ALG13: variants seen among roughly 807,000 people sequenced by gnomAD.
The protein encoded by ALG13 is ALG13 UDP-N-acetylglucosaminyltransferase subunit, also known as UDP-N-acetylglucosamine transferase subunit ALG13.
In ALG13, 11 loss-of-function variants were observed where a neutral mutation model predicts 87.8. The observed-to-expected ratio is 0.13, with a 90% confidence interval of 0.08 to 0.21. The LOEUF (loss-of-function observed/expected upper bound fraction) is 0.21. Ranked by LOEUF, ALG13 falls within the 10% of genes least tolerant of loss-of-function variation. The pLI is 1.00. For missense variants in ALG13, 756 were observed against 866.1 expected (o/e 0.87, Z 1.60); for synonymous variants, 320 against 306.3 (o/e 1.04, Z -0.47).
intron 3 of ALG13, among the ~76,000 whole-genome samples, chrX:111,700,619 C>T (rs1374086966): frequency 9.4e-6 from 1 of 106,949 alleles, no homozygotes; most frequent in Admixed American, 1.0e-4. Flanking sequence ...CCCTGTCATC[C>T]AGGCTGGAGT....
At chrX:111,703,623 T>A (rs190291033) in intron 3 of ALG13, among the ~76,000 whole-genome samples, 3 of 112,364 alleles carry the variant, frequency 2.7e-5, no homozygotes, top group African/African-American at 9.7e-5. Flanking sequence ...GCATACAGTG[T>A]GTAGCCTTTT....
At position 111,682,024 on chromosome X, in the gene ALG13, G is replaced by A; in HGVS notation, c.82-108G>A. On this transcript the variant is annotated intron_variant, in intron 1 of 26. Transcript: ENST00000394780. The stretch of plus-strand genomic sequence containing the variant: ...GAAATCGGCCACAGATAGGCTTTTT[G>A]GCGGCCGTGCTCCGATGTTAACGTC... The A allele has an allele frequency of 5.6e-6, 5 of 890,067 alleles. No individual in the cohort carries two copies. In the South Asian group the frequency reaches 2.1e-4, roughly 37 times the overall value. The allele number at this position is 890,067 out of a possible 1,213,427, so 73.4% of individuals were successfully genotyped here.
At chrX:111,689,273 A>G (rs745730820) in intron 3 of ALG13, 16 of 749,263 alleles carry the variant, frequency 2.1e-5, no homozygotes, top group African/African-American at 1.6e-4. Context: ...GAAAGGTCCT[A>G]TTCAAATCCA....
At position 111,688,035 on chromosome X, in the gene ALG13, C is replaced by CA. The variant is rs1212157959; in HGVS notation, c.383+2935dup. 9.3e-6 allele frequency: 10 copies of CA among 1,079,505 alleles called. No individual in the cohort carries two copies. In the African/African-American group the frequency reaches 1.7e-4, roughly 18 times the overall value. The allele number at this position is 1,079,505 out of a possible 1,213,427, so 89.0% of individuals were successfully genotyped here. ...CTCTCAACACTTTAAAAGCAACCCC[C>CA]AAATTCAACCTATGTAATGTGATTA... On this transcript the variant is annotated intron_variant, in intron 3 of 26. Transcript: ENST00000394780.
intron 19 of ALG13, among the ~76,000 whole-genome samples, chrX:111,730,174 T>C (rs1179386679): frequency 8.9e-6 from 1 of 111,844 alleles, no homozygotes; most frequent in Non-Finnish European, 1.9e-5. Context: ...AAGAGCTAAG[T>C]GGATTTTCAG....
chrX:111,726,036 C>T (rs937958696), intron 15 of ALG13, among the ~76,000 whole-genome samples: 20 of 111,495 alleles, frequency 1.8e-4, no homozygotes, highest in African/African-American at 3.3e-4. Context: ...CTCCACCTCC[C>T]GGGTTCACGC....
rs751293929 is a variant in ALG13, at chrX:111,717,931, T to C, written c.1087+4T>C. Reference sequence around the variant, plus strand: ...TCAAGTGCAGCTGTTTGTCAGGGTATGTGAAGGCTTTATAAATTGTGGGTG... The same window carrying C: ...TCAAGTGCAGCTGTTTGTCAGGGTACGTGAAGGCTTTATAAATTGTGGGTG... On this transcript the variant is annotated splice_donor_region_variant and intron_variant, in intron 9 of 26. Transcript: ENST00000394780. 2 of 1,197,006 alleles carry C rather than the reference T, an allele frequency of 1.7e-6. No individual in the cohort carries two copies. Among genetic ancestry groups the C allele is most frequent in the Non-Finnish European group, 2.3e-6 (2 of 884,626 alleles).
intron 3 of ALG13, among the ~76,000 whole-genome samples, chrX:111,704,183 A>G (rs918362989): frequency 2.7e-5 from 3 of 111,782 alleles, no homozygotes; most frequent in Non-Finnish European, 5.7e-5. Context: ...CACCAGGTTT[A>G]CTATAATCAA....
chrX:111,738,915 A>G (rs189513361), intron 23 of ALG13, among the ~76,000 whole-genome samples: 106 of 111,485 alleles, frequency 9.5e-4, no homozygotes, highest in South Asian at 3.0e-3. Context: ...AAAGATTTAA[A>G]AGCGACATAT....
Position 111,744,698 on chromosome X carries a change from C to T in ALG13, c.2726C>T (p.Ser909Phe). 1 of 1,182,604 alleles carries T rather than the reference C, an allele frequency of 8.5e-7. No homozygotes were observed. The highest frequency in any genetic ancestry group is 1.1e-6 in the Non-Finnish European group (1 of 882,926). The change falls in exon 24 of 27, where the codon TCT becomes TTT. Residue 909 changes from serine (S) to phenylalanine (F), a missense_variant. Physicochemically the swap from Ser to Phe is radical, Grantham distance 155. This residue lies in a region of ALG13 where 362 missense variants were observed against 383.5 expected (regional missense o/e 0.94). Transcript: ENST00000394780. Reference sequence around the variant, plus strand: ...GCCTCACCATCCTATCCATGCCATTCTGCTATTCCTCATGCTGGTGCCTCT... The same window carrying T: ...GCCTCACCATCCTATCCATGCCATTTTGCTATTCCTCATGCTGGTGCCTCT... ...VIASPSYPCHSAIPHAGASLP... is the reference protein window; with the variant it reads ...VIASPSYPCHFAIPHAGASLP...
rs770014954 is a variant in ALG13, at chrX:111,709,274, A to T, written c.834+226A>T. 3.6e-5 allele frequency among the ~76,000 whole-genome samples: 4 copies of T among 112,139 alleles called. No individual in the cohort carries two copies. In the East Asian group the frequency reaches 1.1e-3, roughly 31 times the overall value. ...AATCAAGAATAATCTACATTTTCCC[A>T]CTACTTACCTCGTCCTACGCCAAGA... is the stretch of plus-strand genomic sequence containing the variant. On this transcript the variant is annotated intron_variant, in intron 5 of 26. Transcript: ENST00000394780.
intron 24 of ALG13, among the ~76,000 whole-genome samples, chrX:111,751,372 C>T (rs1944733786): frequency 8.9e-6 from 1 of 111,977 alleles, no homozygotes; most frequent in African/African-American, 3.2e-5. Context: ...CGGCCATAAG[C>T]ATAACGCCCA....
chrX:111,753,975 G>A (rs1944995730), intron 25 of ALG13, among the ~76,000 whole-genome samples: 1 of 111,542 alleles, frequency 9.0e-6, no homozygotes, highest in African/African-American at 3.3e-5. Context: ...AACAAAAAAA[G>A]AAAATTTCAG....
intron 3 of ALG13, among the ~76,000 whole-genome samples, chrX:111,694,298 G>C (rs1018590211): frequency 3.6e-5 from 4 of 111,181 alleles, no homozygotes; most frequent in African/African-American, 1.3e-4. Flanking sequence ...ACCCGCCTCA[G>C]CCTCCCAAAG....
chrX:111,708,945 G>T lies in ALG13; in HGVS notation c.751-20G>T. On this transcript the variant is annotated intron_variant, in intron 4 of 26. Transcript: ENST00000394780. ...TTTAAATGACTACTGACAGTGGGCT[G>T]GTCTTTCTCTTCTTTTTAGTTGTTT... The T allele has an allele frequency of 9.0e-7, 1 of 1,114,864 alleles. No homozygotes were observed. The highest frequency in any genetic ancestry group is 1.9e-5 in the South Asian group (1 of 51,429). 91.9% of individuals were successfully genotyped at this position (1,114,864 alleles called of 1,213,427 possible). A position where few individuals can be genotyped will look rare whatever the true frequency, so the allele number is the denominator to read the frequency against.
chrX:111,693,164 C>CTTTTTTTTTTTT (rs61239915), intron 3 of ALG13, among the ~76,000 whole-genome samples: 2 of 55,111 alleles, frequency 3.6e-5, no homozygotes, highest in Non-Finnish European at 7.1e-5. Flanking sequence ...GTTTTTAATT[C>CTTTTTTTTTTTT]TTTTTTTTTT....
At chrX:111,758,548 A>T (rs1945467183) in intron 26 of ALG13, among the ~76,000 whole-genome samples, 1 of 112,487 alleles carries the variant, frequency 8.9e-6, no homozygotes. Flanking sequence ...AGTTTCTTAA[A>T]TTGTATGAGG....
At chrX:111,682,630 A>T (rs1444261719) in intron 2 of ALG13, among the ~76,000 whole-genome samples, 2 of 112,288 alleles carry the variant, frequency 1.8e-5, no homozygotes, top group Non-Finnish European at 3.8e-5. Context: ...AGAATGGGAA[A>T]TTAACCACTG....
intron 24 of ALG13, among the ~76,000 whole-genome samples, chrX:111,749,347 T>C (rs779728035): frequency 9.0e-6 from 1 of 111,212 alleles, no homozygotes; most frequent in South Asian, 3.8e-4. Context: ...TAGTCAAAAA[T>C]CAAATGACTG....
Sources: gnomAD v4.1 joint callset for allele counts (sites outside exome capture counted in the v4.1 genomes callset) on GRCh38, gnomAD v4.1.1 for gene constraint, gnomAD v4.1.1 regional missense constraint, MANE v1.5 for transcripts, NCBI Gene and HGNC (gene_info 2026-07-23, HGNC 2026-07-21) for gene names.